TNFSF4: variants seen among roughly 807,000 people sequenced by gnomAD.
TNFSF4 encodes the protein tumor necrosis factor ligand superfamily member 4.
In TNFSF4, 4 loss-of-function variants were observed where a neutral mutation model predicts 7.3. That is an observed-to-expected ratio of 0.55 (90% confidence interval 0.27 to 1.25). TNFSF4 has a LOEUF of 1.25. TNFSF4 is among the 50% of genes most tolerant of loss of function. The pLI is 0.12. For synonymous variants in TNFSF4, 76 were observed against 83.7 expected (o/e 0.91, Z 0.50); for missense variants, 181 against 208.8 (o/e 0.87, Z 0.82).
chr1:173,401,823 T>C, the TNFSF4 span, among the ~76,000 whole-genome samples: 2 of 152,096 alleles, frequency 1.3e-5, no homozygotes, highest in East Asian at 1.9e-4. Context: ...TTAATACAAC[T>C]ATATATTTGG....
chr1:173,232,117 G>T, the TNFSF4 span, among the ~76,000 whole-genome samples: 1 of 152,006 alleles, frequency 6.6e-6, no homozygotes, highest in Non-Finnish European at 1.5e-5. Flanking sequence ...ATGTTCTTCC[G>T]TTTGCTTGTG....
chr1:173,240,569 A>ACACTTTAT, the TNFSF4 span, among the ~76,000 whole-genome samples: 3 of 152,112 alleles, frequency 2.0e-5, no homozygotes, highest in Non-Finnish European at 4.4e-5. Flanking sequence ...TCATACAATC[A>ACACTTTAT]CACTTTATAT....
At chr1:173,191,443 T>G (rs1649471938) in intron 1 of TNFSF4, among the ~76,000 whole-genome samples, 1 of 152,186 alleles carries the variant, frequency 6.6e-6, no homozygotes, top group South Asian at 2.1e-4. Context: ...TTGTTGGCCT[T>G]CCAACCATCT....
chr1:173,432,122 CAAGA>C, the TNFSF4 span, among the ~76,000 whole-genome samples: 2 of 152,162 alleles, frequency 1.3e-5, no homozygotes, highest in East Asian at 3.8e-4. Flanking sequence ...TAATGTGAAG[CAAGA>C]CACATCACTT....
the TNFSF4 span, among the ~76,000 whole-genome samples, chr1:173,380,489 T>TC: frequency 6.6e-6 from 1 of 152,044 alleles, no homozygotes; most frequent in Non-Finnish European, 1.5e-5. Flanking sequence ...CCCGAACAGC[T>TC]CCATTGAGAT....
the TNFSF4 span, among the ~76,000 whole-genome samples, chr1:173,297,595 G>T: frequency 6.6e-6 from 1 of 151,952 alleles, no homozygotes; most frequent in Non-Finnish European, 1.5e-5. Flanking sequence ...CTAGGAGCAA[G>T]GAATTGAAGT....
the TNFSF4 span, among the ~76,000 whole-genome samples, chr1:173,424,659 A>T: frequency 2.0e-5 from 3 of 152,240 alleles, no homozygotes; most frequent in African/African-American, 7.2e-5. Flanking sequence ...ATAAAGGTGG[A>T]AAAGTTCCAG....
At chr1:173,290,942 A>G in the TNFSF4 span, among the ~76,000 whole-genome samples, 1 of 152,222 alleles carries the variant, frequency 6.6e-6, no homozygotes, top group Non-Finnish European at 1.5e-5. Flanking sequence ...AAATCATACA[A>G]TTACATGGAA....
the TNFSF4 span, among the ~76,000 whole-genome samples, chr1:173,351,431 T>C: frequency 2.0e-5 from 3 of 152,228 alleles, no homozygotes; most frequent in Non-Finnish European, 4.4e-5. Flanking sequence ...ACATTTACCC[T>C]CAAGGTAAAT....
chr1:173,181,393 CTCAGCAT>C (rs1484075979), downstream of TNFSF4, among the ~76,000 whole-genome samples: 1 of 152,296 alleles, frequency 6.6e-6, no homozygotes, highest in East Asian at 1.9e-4. Context: ...GCTGTATTTT[CTCAGCAT>C]TGGCAGGACT....
chr1:173,310,671 CT>C, the TNFSF4 span, among the ~76,000 whole-genome samples: 414 of 144,618 alleles, frequency 2.9e-3, 2 homozygotes, highest in African/African-American at 8.7e-3. Flanking sequence ...TGTACTTTTT[CT>C]TTTTTTTTTT....
the TNFSF4 span, among the ~76,000 whole-genome samples, chr1:173,295,277 A>T: frequency 1.3e-5 from 2 of 152,038 alleles, no homozygotes; most frequent in Admixed American, 1.3e-4. Context: ...TTCACACAAA[A>T]ATATGTATGT....
downstream of TNFSF4, among the ~76,000 whole-genome samples, chr1:173,181,012 T>C (rs187718386): frequency 6.6e-6 from 1 of 152,326 alleles, no homozygotes; most frequent in Admixed American, 6.5e-5. Flanking sequence ...GGTTTTATAA[T>C]AGTAAGTGAG....
the TNFSF4 span, among the ~76,000 whole-genome samples, chr1:173,236,329 G>A: frequency 6.6e-6 from 1 of 150,764 alleles, no homozygotes; most frequent in African/African-American, 2.4e-5. Flanking sequence ...CTGATCCTTG[G>A]TTCCATTATA....
the TNFSF4 span, among the ~76,000 whole-genome samples, chr1:173,294,814 GA>G: frequency 6.6e-6 from 1 of 151,920 alleles, no homozygotes; most frequent in Non-Finnish European, 1.5e-5. Context: ...CAGACTAGGA[GA>G]AAAGCCACAG....
intron 1 of TNFSF4, among the ~76,000 whole-genome samples, chr1:173,195,660 G>A (rs947616260): frequency 6.6e-6 from 1 of 152,208 alleles, no homozygotes; most frequent in Admixed American, 6.5e-5. Context: ...TGGGGCTGTC[G>A]ACCTTAAACC....
At chr1:173,208,751 T>G (rs1015717983), upstream of TNFSF4, among the ~76,000 whole-genome samples, 2 of 151,914 alleles carry the variant, frequency 1.3e-5, no homozygotes, top group Non-Finnish European at 2.9e-5. Flanking sequence ...AAAATCAGTG[T>G]GTAAAGCCCA....
At chr1:173,332,980 A>G in the TNFSF4 span, among the ~76,000 whole-genome samples, 1 of 152,260 alleles carries the variant, frequency 6.6e-6, no homozygotes, top group African/African-American at 2.4e-5. Flanking sequence ...TTTAGAATTT[A>G]GTAAATGACA....
At chr1:173,423,932 G>A in the TNFSF4 span, among the ~76,000 whole-genome samples, 2,619 of 152,228 alleles carry the variant, frequency 0.017, 80 homozygotes, top group African/African-American at 0.059. Context: ...GGCTGGAAAC[G>A]GCCTGGTCTC....
Sources: allele counts gnomAD v4.1 joint callset (sites outside exome capture counted in the v4.1 genomes callset), GRCh38; gene constraint gnomAD v4.1.1; transcripts MANE v1.5; gene names NCBI Gene and HGNC (gene_info 2026-07-23, HGNC 2026-07-21).